WWOX: variants seen among roughly 807,000 people sequenced by gnomAD.
The protein encoded by WWOX is WW domain-containing oxidoreductase.
WWOX carries 69 observed loss-of-function variants against 46.2 expected under a neutral mutation model. The observed-to-expected ratio is 1.49, with a 90% CI of 1.23 to 1.82. The LOEUF is 1.82. WWOX is among the 40% of genes most tolerant of loss of function. The pLI is 0.00. For missense variants in WWOX, 919 were observed against 542.6 expected (o/e 1.69, Z -6.89); for synonymous variants, 359 against 202.6 (o/e 1.77, Z -6.56).
At chr16:78,362,301 T>TG (rs1391395099) in intron 5 of WWOX, among the ~76,000 whole-genome samples, 1 of 152,050 alleles carries the variant, frequency 6.6e-6, no homozygotes, top group African/African-American at 2.4e-5. Flanking sequence ...ATGATGGGTA[T>TG]GTGAAGCAGG....
At chr16:78,265,670 C>G (rs1253501634) in intron 5 of WWOX, among the ~76,000 whole-genome samples, 2 of 121,212 alleles carry the variant, frequency 1.7e-5, no homozygotes, top group Non-Finnish European at 1.6e-5. Context: ...AAGAGCGAAA[C>G]TCCATGTCAA....
In WWOX at chr16:79,084,947, C is replaced by T. The variant is rs950572619; in HGVS notation, c.1057-126661C>T. Among the ~76,000 whole-genome samples the T allele has an allele frequency of 3.3e-5, 5 of 152,156 alleles. No individual in the cohort carries two copies. The East Asian group carries it at 9.7e-4, about 30-fold the overall frequency. Reference sequence around the variant, plus strand: ...ATGATATAATTTTGCAATCAAAATACAGACACAGTTGTCTGTCTCCCAGGC... The same window carrying T: ...ATGATATAATTTTGCAATCAAAATATAGACACAGTTGTCTGTCTCCCAGGC... On this transcript the variant is annotated intron_variant, in intron 8 of 8. Transcript: ENST00000566780.
chr16:78,729,599 A>G (rs7205036), intron 8 of WWOX, among the ~76,000 whole-genome samples: 15,318 of 152,038 alleles, frequency 0.1, 2,201 homozygotes, highest in African/African-American at 0.32. Flanking sequence ...AGATACTGGA[A>G]GATCTCTTCC....
intron 8 of WWOX, among the ~76,000 whole-genome samples, chr16:78,692,011 C>T (rs561955671): frequency 3.9e-5 from 6 of 152,266 alleles, no homozygotes; most frequent in East Asian, 1.9e-4. Flanking sequence ...TTTCTCTTGC[C>T]ACTGCCATGT....
chr16:78,591,484 A>C (rs993288068), intron 8 of WWOX, among the ~76,000 whole-genome samples: 1 of 152,102 alleles, frequency 6.6e-6, no homozygotes, highest in Non-Finnish European at 1.5e-5. Flanking sequence ...ATGTATCTCT[A>C]TTACATGGAG....
chr16:78,920,177 A>G (rs1411542347), intron 8 of WWOX, among the ~76,000 whole-genome samples: 1 of 152,066 alleles, frequency 6.6e-6, no homozygotes, highest in Admixed American at 6.5e-5. Context: ...ATCCAGAGTA[A>G]AAGCACAGCT....
intron 4 of WWOX, among the ~76,000 whole-genome samples, chr16:78,125,509 C>G (rs543344273): frequency 6.6e-6 from 1 of 152,110 alleles, no homozygotes; most frequent in Non-Finnish European, 1.5e-5. Flanking sequence ...GGAGTGGCAT[C>G]TGCGGGGAGG....
chr16:79,108,796 G>A (rs916235161), intron 8 of WWOX, among the ~76,000 whole-genome samples: 1 of 152,032 alleles, frequency 6.6e-6, no homozygotes, highest in Admixed American at 6.5e-5. Context: ...AGCTACTTGG[G>A]AGGCTGTGGC....
chr16:78,506,490 AC>A (rs1484391262), intron 8 of WWOX: 1 of 152,028 alleles, frequency 6.6e-6, no homozygotes, highest in Non-Finnish European at 1.5e-5. Flanking sequence ...CCGCCCACTC[AC>A]ATGTTTATGG....
chr16:79,066,834 A>C (rs958447982), intron 8 of WWOX, among the ~76,000 whole-genome samples: 2 of 152,230 alleles, frequency 1.3e-5, no homozygotes, highest in Non-Finnish European at 2.9e-5. Flanking sequence ...ACCATTTTCC[A>C]GTTTAACTTT....
intron 8 of WWOX, among the ~76,000 whole-genome samples, chr16:78,930,008 C>T (rs566208889): frequency 3.9e-5 from 6 of 152,202 alleles, no homozygotes; most frequent in Middle Eastern, 3.4e-3. Flanking sequence ...CCAGTTCTAG[C>T]GAATGGGGTG....
At chr16:79,029,887 G>T (rs573638568) in intron 8 of WWOX, among the ~76,000 whole-genome samples, 1 of 152,230 alleles carries the variant, frequency 6.6e-6, no homozygotes, top group South Asian at 2.1e-4. Flanking sequence ...ATAGAAAATC[G>T]AAAGGAAGCA....
intron 5 of WWOX, among the ~76,000 whole-genome samples, chr16:78,367,557 G>A (rs892178193): frequency 6.6e-6 from 1 of 152,118 alleles, no homozygotes; most frequent in East Asian, 1.9e-4. Context: ...GGTGTAAAAG[G>A]CTTCGAGTTC....
At chr16:78,438,695 C>T (rs965808359) in intron 8 of WWOX, among the ~76,000 whole-genome samples, 1 of 152,162 alleles carries the variant, frequency 6.6e-6, no homozygotes, top group East Asian at 1.9e-4. Flanking sequence ...ATTTTCAAAT[C>T]ATTTTACATT....
chr16:79,119,172 C>T (rs879344377), intron 8 of WWOX, among the ~76,000 whole-genome samples: 1 of 147,224 alleles, frequency 6.8e-6, no homozygotes, highest in Non-Finnish European at 1.5e-5. Context: ...TTTCGTCTAA[C>T]CAGTATTGAG....
chr16:78,825,889 T>C (rs2051640072), intron 8 of WWOX: 4 of 688,406 alleles, frequency 5.8e-6, no homozygotes, highest in African/African-American at 1.8e-5. Flanking sequence ...AGCCTCTGCC[T>C]GACCACGTGA....
intron 8 of WWOX, among the ~76,000 whole-genome samples, chr16:78,690,178 A>AC (rs941669811): frequency 2.6e-5 from 4 of 151,394 alleles, no homozygotes; most frequent in African/African-American, 7.3e-5. Flanking sequence ...CTTTTTAACA[A>AC]CCCCCCCTCC....
chr16:78,763,530 A>G (rs528403808), intron 8 of WWOX, among the ~76,000 whole-genome samples: 7 of 152,172 alleles, frequency 4.6e-5, no homozygotes, highest in Non-Finnish European at 1.0e-4. Context: ...TACATAGAGT[A>G]TGAAACTCTG....
intron 6 of WWOX, among the ~76,000 whole-genome samples, chr16:78,397,453 A>T (rs908689279): frequency 6.6e-6 from 1 of 152,214 alleles, no homozygotes; most frequent in African/African-American, 2.4e-5. Context: ...GATTAACCAC[A>T]TTTTACAGAC....
Sources: gnomAD v4.1 joint callset for allele counts (sites outside exome capture counted in the v4.1 genomes callset) on GRCh38, gnomAD v4.1.1 for gene constraint, MANE v1.5 for transcripts, NCBI Gene and HGNC (gene_info 2026-07-23, HGNC 2026-07-21) for gene names.